The following TAFA4 variants were observed in gnomAD, a reference collection of about 807,000 sequenced individuals.
TAFA4 encodes the protein chemokine-like protein TAFA-4.
In TAFA4, 20 loss-of-function variants were observed where a neutral mutation model predicts 21.1. That is an observed-to-expected ratio of 0.95 (90% CI 0.67 to 1.38). TAFA4 has a LOEUF of 1.38. TAFA4 is among the 40% of genes most tolerant of loss of function. TAFA4 has a pLI of 0.00. For missense variants in TAFA4, 211 were observed against 180.9 expected, an observed-to-expected ratio of 1.17 and a Z score of -0.95; for synonymous variants, 71 against 67.4, an observed-to-expected ratio of 1.05 and a Z score of -0.26.
chr3:68,862,720 C>T (rs977181431), intron 3 of TAFA4, among the ~76,000 whole-genome samples: 11 of 151,978 alleles, frequency 7.2e-5, no homozygotes, highest in African/African-American at 2.7e-4. Context: ...TCATTTAAAC[C>T]CCCTTGGGCT....
At chr3:68,733,905 A>G (rs540181581) in intron 5 of TAFA4, among the ~76,000 whole-genome samples, 1 of 152,276 alleles carries the variant, frequency 6.6e-6, no homozygotes, top group African/African-American at 2.4e-5. Context: ...TGTACTCAAC[A>G]GTATTACTCC....
chr3:68,777,576 T>C (rs2106791525), intron 3 of TAFA4, among the ~76,000 whole-genome samples: 1 of 152,130 alleles, frequency 6.6e-6, no homozygotes, highest in South Asian at 2.1e-4. Flanking sequence ...TTAAAGAAAG[T>C]ACAATTAGGA....
chr3:68,806,573 G>T (rs919490975), intron 3 of TAFA4, among the ~76,000 whole-genome samples: 4 of 152,088 alleles, frequency 2.6e-5, no homozygotes, highest in African/African-American at 9.7e-5. Context: ...TCATTCAATA[G>T]TTGTTTACTG....
intron 3 of TAFA4, among the ~76,000 whole-genome samples, chr3:68,859,448 T>C (rs1019170422): frequency 6.6e-6 from 1 of 152,146 alleles, no homozygotes; most frequent in Non-Finnish European, 1.5e-5. Flanking sequence ...GTTCTGTTTA[T>C]TGTTTAACAG....
chr3:68,881,612 C>T (rs2089619336), intron 2 of TAFA4, among the ~76,000 whole-genome samples: 1 of 152,164 alleles, frequency 6.6e-6, no homozygotes. Context: ...TTTATATTAA[C>T]TTTTGAAGCA....
intron 4 of TAFA4, among the ~76,000 whole-genome samples, chr3:68,746,192 T>C (rs888623773): frequency 2.0e-5 from 3 of 152,182 alleles, no homozygotes; most frequent in Non-Finnish European, 4.4e-5. Context: ...AAGGCTGCAC[T>C]GTTGGCTTCC....
At chr3:68,888,709 G>A (rs574573742) in intron 1 of TAFA4, among the ~76,000 whole-genome samples, 5 of 152,024 alleles carry the variant, frequency 3.3e-5, no homozygotes, top group Admixed American at 1.3e-4. Flanking sequence ...TTATCCCATG[G>A]CAAAAGATGG....
chr3:68,855,394 T>A (rs1705047648), intron 3 of TAFA4, among the ~76,000 whole-genome samples: 1 of 152,184 alleles, frequency 6.6e-6, no homozygotes, highest in Non-Finnish European at 1.5e-5. Flanking sequence ...AGTCAACTTT[T>A]CATTTAATTC....
chr3:68,829,612 G>A (rs562156021), intron 3 of TAFA4, among the ~76,000 whole-genome samples: 12 of 152,246 alleles, frequency 7.9e-5, no homozygotes, highest in South Asian at 2.1e-4. Context: ...GCGGATTTTC[G>A]CATCGATGTT....
At chr3:68,823,945 CTT>C (rs2106867231) in intron 3 of TAFA4, among the ~76,000 whole-genome samples, 2 of 152,196 alleles carry the variant, frequency 1.3e-5, no homozygotes, top group East Asian at 3.9e-4. Context: ...TAATTGGTCT[CTT>C]CTGTCCTATT....
intron 5 of TAFA4, among the ~76,000 whole-genome samples, chr3:68,734,516 G>T (rs973804935): frequency 1.3e-5 from 2 of 152,032 alleles, no homozygotes; most frequent in South Asian, 4.1e-4. Flanking sequence ...TTTTTCTGAG[G>T]TTCAAGGAAG....
intron 5 of TAFA4, 22 bp downstream of exon 5, chr3:68,739,053 G>C: frequency 1.2e-6 from 2 of 1,611,200 alleles, no homozygotes; most frequent in Non-Finnish European, 1.7e-6. Context: ...GTAAATTGTA[G>C]TTGCATTTTG....
intron 3 of TAFA4, among the ~76,000 whole-genome samples, chr3:68,753,420 C>G (rs1702598586): frequency 6.7e-6 from 1 of 149,142 alleles, no homozygotes; most frequent in African/African-American, 2.5e-5. Context: ...ATTGCAACCT[C>G]TACCTCCTGG....
intron 3 of TAFA4, among the ~76,000 whole-genome samples, chr3:68,757,359 T>C (rs1223122933): frequency 6.6e-6 from 1 of 152,138 alleles, no homozygotes; most frequent in Admixed American, 6.5e-5. Flanking sequence ...TATCACCACC[T>C]CACAGGCCCT....
chr3:68,825,675 A>G (rs552010946), intron 3 of TAFA4, among the ~76,000 whole-genome samples: 2 of 152,234 alleles, frequency 1.3e-5, no homozygotes, highest in African/African-American at 2.4e-5. Context: ...AGTGTCCAGC[A>G]TAACTCATAA....
chr3:68,851,281 C>T (rs964071489), intron 3 of TAFA4, among the ~76,000 whole-genome samples: 7 of 151,976 alleles, frequency 4.6e-5, no homozygotes, highest in Non-Finnish European at 8.8e-5. Flanking sequence ...TAAGTGGGAG[C>T]TAAACAATGA....
At position 68,834,166 on chromosome 3, in the gene TAFA4, C is replaced by T. The variant is rs146165023; in HGVS notation, c.130+46564G>A. ...TCAAAGATCATTCCCTGGAAGGATC[C>T]CTTTTAGGGTCTGCCTACTTAAGCA... On this transcript the variant is annotated intron_variant, in intron 3 of 5. Coordinates refer to ENST00000295569, the MANE Select transcript of TAFA4 (RefSeq NM_182522.5). 3.4e-3 allele frequency among the ~76,000 whole-genome samples: 516 copies of T among 152,188 alleles called. 2 individuals carry two copies. Among genetic ancestry groups the T allele is most frequent in the African/African-American group, 0.011 (471 of 41,524 alleles).
chr3:68,738,787 G>A (rs1326673845), intron 5 of TAFA4, among the ~76,000 whole-genome samples: 4 of 152,132 alleles, frequency 2.6e-5, no homozygotes, highest in African/African-American at 7.2e-5. Flanking sequence ...TTGGCCTGTC[G>A]ACTCTGAAAC....
At chr3:68,754,576 C>T (rs1007669602) in intron 3 of TAFA4, among the ~76,000 whole-genome samples, 2 of 152,282 alleles carry the variant, frequency 1.3e-5, no homozygotes, top group African/African-American at 4.8e-5. Flanking sequence ...ATCAGTGCTA[C>T]TACCTTTAAT....
Sources: allele counts gnomAD v4.1 joint callset (sites outside exome capture counted in the v4.1 genomes callset), GRCh38; gene constraint gnomAD v4.1.1; transcripts MANE v1.5; gene names NCBI Gene and HGNC (gene_info 2026-07-23, HGNC 2026-07-21).